Variants in MYO18A observed in about 807,000 individuals in gnomAD.
The protein encoded by MYO18A is myosin XVIIIA, also known as unconventional myosin-XVIIIa.
A neutral mutation model predicts 235.8 loss-of-function variants in MYO18A; 78 were observed. The ratio of observed to expected loss-of-function variants is 0.33; its 90% CI spans 0.28 to 0.40. The LOEUF (loss-of-function observed/expected upper bound fraction) is 0.40, where lower values mean the gene tolerates loss of function less well. Among genes scored for constraint, MYO18A ranks in the 10% least tolerant of loss-of-function variants. The pLI is 1.00. For missense variants in MYO18A, 2,215 were observed against 2,699.3 expected (o/e 0.82, Z 3.98); for synonymous variants, 977 against 1,077.8 (o/e 0.91, Z 1.83).
intron 40 of MYO18A, among the ~76,000 whole-genome samples, chr17:29,084,225 A>G (rs4965975): frequency 0.42 from 63,788 of 151,994 alleles, 14,675 homozygotes; most frequent in East Asian, 0.84. Flanking sequence ...GTGTGTGTGC[A>G]TGCCTGGCAG....
chr17:29,082,269 T>C lies in MYO18A; in HGVS notation c.6020+47A>G, dbSNP rs192306061. The stretch of plus-strand genomic sequence containing the variant: ...ATCCAGGCGCTACTTGTCCATTCCT[T>C]GTGGCACAAGGTGGCTTTTCCTCCC... On this transcript the variant is annotated intron_variant, in intron 41 of 41. Coordinates refer to ENST00000527372, the MANE Select transcript of MYO18A (RefSeq NM_078471.4). 202 of 1,611,900 alleles carry C rather than the reference T, an allele frequency of 1.3e-4. No individual in the cohort carries two copies. In the East Asian group the frequency reaches 4.4e-3, roughly 35 times the overall value.
At position 29,074,612 on chromosome 17, in the gene MYO18A, C is replaced by A; in HGVS notation, c.*158G>T. 1 of 750,298 alleles carries A rather than the reference C, an allele frequency of 1.3e-6. No individual in the cohort carries two copies. Among genetic ancestry groups the A allele is most frequent in the Admixed American group, 2.6e-5 (1 of 38,386 alleles). 46.5% of individuals were successfully genotyped at this position (750,298 alleles called of 1,614,324 possible). Reference sequence around the variant, plus strand: ...TCTTCCACGTGGAGACATCAGACACCCATAGCCTGGAAAGTGCCCCTGACA... The same window carrying A: ...TCTTCCACGTGGAGACATCAGACACACATAGCCTGGAAAGTGCCCCTGACA... On this transcript the variant is annotated 3_prime_UTR_variant, in exon 42 of 42. Transcript: ENST00000527372. This position sits in a 1 kb window ranked among gnomAD's most constrained non-coding sequence, Gnocchi z 4.4.
At chr17:29,130,472 T>TCC (rs1555535509) in intron 2 of MYO18A, among the ~76,000 whole-genome samples, 29 of 76,852 alleles carry the variant, frequency 3.8e-4, no homozygotes, top group Non-Finnish European at 5.4e-4. Context: ...CTGAGGCCTC[T>TCC]CCCACACACA....
At position 29,099,394 on chromosome 17, in the gene MYO18A, G is replaced by C. The variant is rs551996489; in HGVS notation, c.3636+240C>G. ...TCTTCATGGAGCAGCCTATGATCCG[G>C]AGCCCACCTTTGCCTGGGCCCTGAT... is the stretch of plus-strand genomic sequence containing the variant. On this transcript the variant is annotated intron_variant, in intron 22 of 41. Coordinates refer to ENST00000527372, the MANE Select transcript of MYO18A (RefSeq NM_078471.4). 6.6e-5 allele frequency among the ~76,000 whole-genome samples: 10 copies of C among 152,230 alleles called. No individual in the cohort carries two copies. In the East Asian group the frequency reaches 1.9e-3, roughly 29 times the overall value.
chr17:29,144,815 A>G (rs146949868), intron 2 of MYO18A, among the ~76,000 whole-genome samples: 1 of 152,276 alleles, frequency 6.6e-6, no homozygotes, highest in Non-Finnish European at 1.5e-5. Flanking sequence ...GTCACACACT[A>G]TGTGGGGTTA....
chr17:29,094,967 G>A lies in MYO18A; in HGVS notation c.4478C>T (p.Ala1493Val), dbSNP rs766713720. ...KLQREKDMLL[A>V]EAFSLKQQLE... ...TTGCTGCTTCAGGCTGAAAGCCTCA[G>A]CGAGGAGCATGTCCTTCTCCCGCTG... The change falls in exon 29 of 42, where the codon GCT becomes GTT. Residue 1493 changes from alanine to valine, a missense_variant. By Grantham distance (64) the Ala-to-Val change is moderately conservative. Coordinates refer to ENST00000527372, the MANE Select transcript of MYO18A (RefSeq NM_078471.4). The A allele has an allele frequency of 6.2e-7, 1 of 1,608,766 alleles. No individual in the cohort carries two copies. The highest frequency in any genetic ancestry group is 1.7e-5 in the Admixed American group (1 of 59,346).
At chr17:29,104,127 G>A (rs1019669621) in intron 20 of MYO18A, among the ~76,000 whole-genome samples, 4 of 152,218 alleles carry the variant, frequency 2.6e-5, no homozygotes, top group African/African-American at 9.6e-5. Flanking sequence ...AGAGGGGGCT[G>A]AAGCCAAAGC....
rs1216874704 is a variant in MYO18A at position 29,166,781 on chromosome 17, G to A, written c.160C>T (p.Arg54Cys). 2 of 1,612,046 alleles carry A rather than the reference G, an allele frequency of 1.2e-6. No individual in the cohort carries two copies. Among genetic ancestry groups the A allele is most frequent in the Non-Finnish European group, 8.5e-7 (1 of 1,179,186 alleles). Reference sequence around the variant, plus strand: ...ATTTCCAGGCGCGTCTTGGATTCACGCTTGGAGGAGCGGTTCAGGTTGAAG... The same window carrying A: ...ATTTCCAGGCGCGTCTTGGATTCACACTTGGAGGAGCGGTTCAGGTTGAAG... ...GFFNLNRSSKRESKTRLEISN... is the reference protein window; with the variant it reads ...GFFNLNRSSKCESKTRLEISN... Residue 54 changes from arginine (R) to cysteine (C), a missense_variant, in exon 2 of 42, where the codon CGT (arginine) becomes TGT (cysteine). Transcript: ENST00000527372.
chr17:29,137,776 C>CA (rs1402974580), intron 2 of MYO18A, among the ~76,000 whole-genome samples: 1 of 152,008 alleles, frequency 6.6e-6, no homozygotes, highest in East Asian at 1.9e-4. Context: ...TGACATCAAT[C>CA]AAAAAAACTG....
chr17:29,109,864 G>A lies in MYO18A; in HGVS notation c.3325C>T (p.Arg1109Cys), dbSNP rs763756760. 7 of 1,556,520 alleles carry A rather than the reference G, an allele frequency of 4.5e-6. No homozygotes were observed. Among genetic ancestry groups the A allele is most frequent in the East Asian group, 4.8e-5 (2 of 41,428 alleles). The change falls in exon 19 of 42, where the codon CGC becomes TGC. Residue 1109 changes from arginine to cysteine, a missense_variant. Coordinates refer to ENST00000527372, the MANE Select transcript of MYO18A (RefSeq NM_078471.4). This position sits in a 1 kb window ranked among gnomAD's most constrained non-coding sequence, Gnocchi z 4.1. ...AGAGGAAAGGAGGCCCCACCTTGGCGGTACATGCGCATGGCATCGAGCAGG... is the reference window on the plus strand; with the variant it reads ...AGAGGAAAGGAGGCCCCACCTTGGCAGTACATGCGCATGGCATCGAGCAGG... ...SRLLDAMRMY[R>C]QGYPDHMVFS...
At chr17:29,130,010 C>G (rs1314192192) in intron 2 of MYO18A, among the ~76,000 whole-genome samples, 1 of 152,134 alleles carries the variant, frequency 6.6e-6, no homozygotes. Context: ...AAGATGATGA[C>G]GATGGGCCAG....
Position 29,082,401 on chromosome 17 carries a change from G to C in MYO18A, c.5935C>G (p.Arg1979Gly), listed in dbSNP as rs1182099280. 1.2e-6 allele frequency: 2 copies of C among 1,613,748 alleles called. No individual in the cohort carries two copies. Among genetic ancestry groups the C allele is most frequent in the East Asian group, 2.2e-5 (1 of 44,882 alleles). Residue 1979 changes from arginine to glycine, a missense_variant, in exon 41 of 42, where the codon CGT becomes GGT. Physicochemically the swap from Arg to Gly is moderately radical, Grantham distance 125. Coordinates refer to ENST00000527372, the MANE Select transcript of MYO18A (RefSeq NM_078471.4). Reference sequence around the variant, plus strand: ...AACCAGGACTTGACCCCGTCAACACGGTCCTCCAGCTCCGAGTCCACATCA... The same window carrying C: ...AACCAGGACTTGACCCCGTCAACACCGTCCTCCAGCTCCGAGTCCACATCA... ...DSDVDSELEDRVDGVKSWLSK... is the reference protein window; with the variant it reads ...DSDVDSELEDGVDGVKSWLSK...
chr17:29,114,211 G>T lies in MYO18A; in HGVS notation c.2512-114C>A, dbSNP rs76884759. On this transcript the variant is annotated intron_variant, in intron 14 of 41. Transcript: ENST00000527372. ...AGCAAGGCCAACCTCCTTCTGTGCCGTGCAGGAGCTCCCTCCATCATCCCA... is the reference window on the plus strand; with the variant it reads ...AGCAAGGCCAACCTCCTTCTGTGCCTTGCAGGAGCTCCCTCCATCATCCCA... 481 of 717,964 alleles carry T rather than the reference G, an allele frequency of 6.7e-4. 1 individual carries two copies. In the African/African-American group the frequency reaches 7.2e-3, roughly 11 times the overall value. The allele number at this position is 717,964 out of a possible 1,614,324, so 44.5% of individuals were successfully genotyped here.
chr17:29,080,045 TGCTCCTTCC>T (rs1159955675), intron 41 of MYO18A: 159 of 985,872 alleles, frequency 1.6e-4, no homozygotes, highest in Non-Finnish European at 1.9e-4. Flanking sequence ...GAGCTGGAGC[TGCTCCTTCC>T]GCTCCTTCGC....
intron 24 of MYO18A, 64 bp from the exon 25 acceptor site, chr17:29,098,288 G>GGGGGGTTCTGCA: frequency 6.2e-7 from 1 of 1,612,056 alleles, no homozygotes; most frequent in Non-Finnish European, 8.5e-7. Context: ...CAGAACACCT[G>GGGGGGTTCTGCA]GGGGACCTGC....
At chr17:29,142,528 G>A (rs948391014) in intron 2 of MYO18A, among the ~76,000 whole-genome samples, 1 of 152,200 alleles carries the variant, frequency 6.6e-6, no homozygotes, top group Non-Finnish European at 1.5e-5. Flanking sequence ...CCAGCAGCGT[G>A]GGCATCCCCT....
intron 32 of MYO18A, 28 bp from the exon 33 acceptor site, chr17:29,093,029 T>C (rs1433874975): frequency 6.2e-7 from 1 of 1,607,716 alleles, no homozygotes; most frequent in African/African-American, 1.3e-5. Context: ...GTTGGGGTTC[T>C]GGGCTCTGCA....
chr17:29,090,968 T>A, intron 34 of MYO18A, 42 bp from the exon 35 acceptor site: 2 of 1,544,604 alleles, frequency 1.3e-6, no homozygotes, highest in Non-Finnish European at 1.8e-6. Context: ...TCAGGCCCAG[T>A]GTGCCTGTGG....
intron 19 of MYO18A, among the ~76,000 whole-genome samples, chr17:29,108,961 C>T (rs984887882): frequency 9.9e-5 from 15 of 152,092 alleles, no homozygotes; most frequent in Middle Eastern, 3.4e-3. Flanking sequence ...CATATCAAGA[C>T]GTGGGGACAG....
Sources: gnomAD v4.1 joint callset for allele counts (sites outside exome capture counted in the v4.1 genomes callset) on GRCh38, gnomAD v4.1.1 for gene constraint, Gnocchi (gnomAD v3.1) non-coding constraint, MANE v1.5 for transcripts, NCBI Gene and HGNC (gene_info 2026-07-23, HGNC 2026-07-21) for gene names.